The following TBC1D32 variants were observed in gnomAD, a reference collection of about 807,000 sequenced individuals.
The protein encoded by TBC1D32 is TBC1 domain family member 32.
Under a neutral mutation model 170.3 loss-of-function variants are expected in TBC1D32, and 151 were observed. That is an observed-to-expected ratio of 0.89 (90% CI 0.78 to 1.01). TBC1D32 has a LOEUF of 1.01. Among genes scored for constraint, TBC1D32 ranks in the 50% least tolerant of loss-of-function variants. TBC1D32 has a pLI of 0.00. For synonymous variants in TBC1D32, 498 were observed against 488.0 expected (o/e 1.02, Z -0.27); for missense variants, 1,464 against 1,457.1 (o/e 1.00, Z -0.08).
intron 15 of TBC1D32, among the ~76,000 whole-genome samples, chr6:121,264,570 C>T (rs1285761020): frequency 6.6e-6 from 1 of 152,168 alleles, no homozygotes; most frequent in African/African-American, 2.4e-5. Flanking sequence ...TTTTATGAGG[C>T]CACCATCATC....
intron 22 of TBC1D32, among the ~76,000 whole-genome samples, chr6:121,172,715 G>A (rs941078691): frequency 3.3e-5 from 5 of 152,176 alleles, no homozygotes; most frequent in African/African-American, 1.2e-4. Context: ...TTAAGAACAT[G>A]CTTGTGCATG....
At chr6:121,173,822 T>TGAG (rs1445865004) in intron 22 of TBC1D32, among the ~76,000 whole-genome samples, 3 of 151,912 alleles carry the variant, frequency 2.0e-5, no homozygotes, top group Non-Finnish European at 4.4e-5. Context: ...CTAGCTTCTC[T>TGAG]AGCTTCTCTT....
intron 20 of TBC1D32, among the ~76,000 whole-genome samples, chr6:121,229,987 G>C (rs1328229117): frequency 6.6e-6 from 1 of 151,962 alleles, no homozygotes; most frequent in Non-Finnish European, 1.5e-5. Context: ...TGTGTGCCTT[G>C]CTTCCCCTCC....
At chr6:121,105,602 A>G (rs1484356058) in intron 30 of TBC1D32, among the ~76,000 whole-genome samples, 2 of 151,940 alleles carry the variant, frequency 1.3e-5, no homozygotes, top group Non-Finnish European at 2.9e-5. Flanking sequence ...AAAAACATTA[A>G]GCCTTCCTAG....
intron 26 of TBC1D32, among the ~76,000 whole-genome samples, chr6:121,123,935 TA>T (rs897155284): frequency 6.6e-6 from 1 of 151,932 alleles, no homozygotes; most frequent in African/African-American, 2.4e-5. Flanking sequence ...GATGTTATTT[TA>T]AAAAGATAAC....
intron 1 of TBC1D32, among the ~76,000 whole-genome samples, chr6:121,329,325 G>A (rs4395765): frequency 0.64 from 97,921 of 152,014 alleles, 37,029 homozygotes; most frequent in Non-Finnish European, 0.85. Context: ...GTACAAGTTT[G>A]TTTCAAAAAA....
At chr6:121,225,971 GAAGA>G (rs1795006389) in intron 20 of TBC1D32, among the ~76,000 whole-genome samples, 6 of 151,984 alleles carry the variant, frequency 3.9e-5, no homozygotes, top group African/African-American at 1.4e-4. Flanking sequence ...GTTTTGAATA[GAAGA>G]ATGAGATTTT....
At chr6:121,245,639 C>G (rs1797498636) in intron 17 of TBC1D32, among the ~76,000 whole-genome samples, 1 of 152,086 alleles carries the variant, frequency 6.6e-6, no homozygotes, top group South Asian at 2.1e-4. Flanking sequence ...CAAAACTGAG[C>G]CTTCTTTCAT....
chr6:121,327,194 A>T (rs1441266130), intron 1 of TBC1D32, among the ~76,000 whole-genome samples: 1 of 152,166 alleles, frequency 6.6e-6, no homozygotes, highest in Non-Finnish European at 1.5e-5. Flanking sequence ...TATTTAAGTG[A>T]CATGATCAAT....
At chr6:121,244,530 G>A (rs1451985221) in intron 17 of TBC1D32, among the ~76,000 whole-genome samples, 1 of 152,074 alleles carries the variant, frequency 6.6e-6, no homozygotes, top group Non-Finnish European at 1.5e-5. Context: ...AGTTCCAGAG[G>A]GGAGTATAAC....
intron 31 of TBC1D32, among the ~76,000 whole-genome samples, chr6:121,086,876 C>T (rs1429761162): frequency 6.6e-6 from 1 of 152,178 alleles, no homozygotes; most frequent in Non-Finnish European, 1.5e-5. Context: ...TGTATGCGCG[C>T]TACAGATGAG....
At chr6:121,200,876 G>A (rs928921967) in intron 22 of TBC1D32, among the ~76,000 whole-genome samples, 1 of 151,360 alleles carries the variant, frequency 6.6e-6, no homozygotes, top group African/African-American at 2.5e-5. Flanking sequence ...GTCCTTGAGG[G>A]AGATAAGGAG....
intron 12 of TBC1D32, among the ~76,000 whole-genome samples, chr6:121,289,135 G>C (rs553588254): frequency 2.4e-4 from 37 of 152,286 alleles, no homozygotes; most frequent in African/African-American, 8.4e-4. Flanking sequence ...TTCAACAATA[G>C]TGTTGGAAGT....
chr6:121,155,516 C>A (rs1246947956), intron 24 of TBC1D32, among the ~76,000 whole-genome samples: 1 of 152,106 alleles, frequency 6.6e-6, no homozygotes, highest in Non-Finnish European at 1.5e-5. Context: ...ATTGTTCTAG[C>A]AAGCACTTTC....
At chr6:121,143,111 A>T (rs551331026) in intron 24 of TBC1D32, among the ~76,000 whole-genome samples, 1 of 152,310 alleles carries the variant, frequency 6.6e-6, no homozygotes, top group Non-Finnish European at 1.5e-5. Flanking sequence ...ATTAGTACGT[A>T]TTATACTACC....
At position 121,091,042 on chromosome 6, in the gene TBC1D32, C is replaced by CT. The variant is rs888646123; in HGVS notation, c.3466-2dup. The CT allele has an allele frequency of 1.3e-6, 2 of 1,552,248 alleles. No homozygotes were observed. Among genetic ancestry groups the CT allele is most frequent in the Non-Finnish European group, 1.7e-6 (2 of 1,163,994 alleles). Reference sequence around the variant, plus strand: ...ACTGGGTTATCCATTGCAGGCAAATCTTTAAAAAAAAAAAGTAGTAAGTTC... The same window carrying CT: ...ACTGGGTTATCCATTGCAGGCAAATCTTTTAAAAAAAAAAAGTAGTAAGTTC... On this transcript the variant is annotated splice_acceptor_variant, in intron 30 of 31. Transcript: ENST00000398212. LOFTEE classifies it high-confidence loss of function.
At chr6:121,131,430 A>C (rs1781426034) in intron 25 of TBC1D32, among the ~76,000 whole-genome samples, 197 bp downstream of exon 25, 1 of 151,912 alleles carries the variant, frequency 6.6e-6, no homozygotes, top group African/African-American at 2.4e-5. Context: ...AGTTCCAAAA[A>C]GAAAAAAACA....
intron 17 of TBC1D32, among the ~76,000 whole-genome samples, chr6:121,249,268 C>G (rs776150872): frequency 1.3e-5 from 2 of 151,470 alleles, no homozygotes; most frequent in African/African-American, 4.8e-5. Context: ...ATCTAGCACC[C>G]CTTTAGATTA....
intron 1 of TBC1D32, among the ~76,000 whole-genome samples, chr6:121,322,945 T>C (rs1050167078): frequency 6.6e-6 from 1 of 151,982 alleles, no homozygotes; most frequent in Non-Finnish European, 1.5e-5. Context: ...CCCCCATATA[T>C]GGCCTCTTAT....
Sources: allele counts gnomAD v4.1 joint callset (sites outside exome capture counted in the v4.1 genomes callset), GRCh38; gene constraint gnomAD v4.1.1; transcripts MANE v1.5; gene names NCBI Gene and HGNC (gene_info 2026-07-23, HGNC 2026-07-21).